NIBAN1: variants seen among roughly 807,000 people sequenced by gnomAD.
The protein encoded by NIBAN1 is niban apoptosis regulator 1.
A neutral mutation model predicts 75.1 loss-of-function variants in NIBAN1; 81 were observed. That is an observed-to-expected ratio of 1.08 (90% CI 0.90 to 1.30). The LOEUF (loss-of-function observed/expected upper bound fraction) is 1.30, where lower values mean the gene tolerates loss of function less well. Ranked by LOEUF, NIBAN1 falls within the 50% of genes most tolerant of loss-of-function variation. The pLI, the probability that NIBAN1 is intolerant of heterozygous loss-of-function variation, is 0.00. For missense variants in NIBAN1, 1,133 were observed against 1,128.1 expected (o/e 1.00, Z -0.06); for synonymous variants, 436 against 424.8 (o/e 1.03, Z -0.32).
chr1:184,895,805 A>C (rs968082040), intron 2 of NIBAN1, among the ~76,000 whole-genome samples: 2 of 152,154 alleles, frequency 1.3e-5, no homozygotes, highest in African/African-American at 4.8e-5. Flanking sequence ...AACTGAAAAC[A>C]TGTGGTATTT....
intron 1 of NIBAN1, among the ~76,000 whole-genome samples, chr1:184,912,328 G>A (rs1235392435): frequency 2.6e-5 from 4 of 151,990 alleles, no homozygotes; most frequent in Admixed American, 6.6e-5. Context: ...ATTGGTGCAC[G>A]AATCTCCTGG....
intron 1 of NIBAN1, among the ~76,000 whole-genome samples, chr1:184,943,568 A>T (rs1658149230): frequency 6.7e-6 from 1 of 148,290 alleles, no homozygotes; most frequent in South Asian, 2.2e-4. Flanking sequence ...GAAGTTGACC[A>T]CATATCTTGC....
rs74734254 is a variant in NIBAN1 at position 184,840,979 on chromosome 1, A to G, written c.602-9017T>C. Among the ~76,000 whole-genome samples the G allele has an allele frequency of 5.4e-3, 713 of 131,078 alleles. 9 individuals are homozygous for G. Among genetic ancestry groups the G allele is most frequent in the African/African-American group, 0.019 (668 of 34,656 alleles). 86.0% of individuals were successfully genotyped at this position (131,078 alleles called of 152,430 possible). ...TGAGTGTGTGTGTGTGTGTGTGTGTATGTGTATTATAGTTATTAAATTTTC... is the reference window on the plus strand; with the variant it reads ...TGAGTGTGTGTGTGTGTGTGTGTGTGTGTGTATTATAGTTATTAAATTTTC... On this transcript the variant is annotated intron_variant, in intron 5 of 13. Coordinates refer to ENST00000367511, the MANE Select transcript of NIBAN1 (RefSeq NM_052966.4).
chr1:184,814,060 A>G (rs1453080037), intron 9 of NIBAN1, among the ~76,000 whole-genome samples: 1 of 152,260 alleles, frequency 6.6e-6, no homozygotes, highest in Non-Finnish European at 1.5e-5. Context: ...ATGGAAATGT[A>G]AATTTTTGCC....
chr1:184,835,628 G>T (rs965318172), intron 5 of NIBAN1, among the ~76,000 whole-genome samples: 1 of 152,122 alleles, frequency 6.6e-6, no homozygotes, highest in African/African-American at 2.4e-5. Flanking sequence ...GTTCACTCAC[G>T]ATTTGGCTCT....
chr1:184,812,472 A>G (rs2102204644), intron 9 of NIBAN1, among the ~76,000 whole-genome samples: 1 of 152,324 alleles, frequency 6.6e-6, no homozygotes, highest in South Asian at 2.1e-4. Flanking sequence ...TGCCGGCCAA[A>G]AGGTAAGAAT....
At chr1:184,946,491 A>G (rs913558363) in intron 1 of NIBAN1, among the ~76,000 whole-genome samples, 2 of 152,208 alleles carry the variant, frequency 1.3e-5, no homozygotes, top group Non-Finnish European at 2.9e-5. Context: ...AGGAAGGATG[A>G]ATGGAAATGT....
chr1:184,830,956 C>A (rs895368497), intron 6 of NIBAN1, among the ~76,000 whole-genome samples: 14 of 151,130 alleles, frequency 9.3e-5, no homozygotes, highest in Admixed American at 5.3e-4. Context: ...GCTGAGATTG[C>A]GCCACTGTAC....
At chr1:184,910,473 A>T (rs1657212284) in intron 1 of NIBAN1, among the ~76,000 whole-genome samples, 1 of 152,204 alleles carries the variant, frequency 6.6e-6, no homozygotes, top group Non-Finnish European at 1.5e-5. Flanking sequence ...ATTTACAAAA[A>T]AAACTTTTTT....
At chr1:184,872,001 T>C (rs1656120665) in intron 5 of NIBAN1, among the ~76,000 whole-genome samples, 1 of 152,026 alleles carries the variant, frequency 6.6e-6, no homozygotes, top group Admixed American at 6.6e-5. Context: ...CACCTTCAAC[T>C]GGCTTCAGTG....
chr1:184,956,033 G>GT (rs1553231287), intron 1 of NIBAN1, among the ~76,000 whole-genome samples: 30 of 148,078 alleles, frequency 2.0e-4, no homozygotes, highest in South Asian at 4.3e-4. Flanking sequence ...CTTTTTGTTT[G>GT]TTTTTTTTTT....
At chr1:184,798,857 T>A (rs1653950945) in intron 12 of NIBAN1, among the ~76,000 whole-genome samples, 1 of 152,026 alleles carries the variant, frequency 6.6e-6, no homozygotes, top group African/African-American at 2.4e-5. Context: ...AATGAAATCA[T>A]AATTATTTTG....
chr1:184,910,425 A>G (rs904154661), intron 1 of NIBAN1, among the ~76,000 whole-genome samples: 2 of 152,188 alleles, frequency 1.3e-5, no homozygotes, highest in African/African-American at 4.8e-5. Context: ...TCAAGAAATT[A>G]ATTGATCCAA....
intron 5 of NIBAN1, among the ~76,000 whole-genome samples, chr1:184,865,238 G>C (rs1022446417): frequency 6.6e-6 from 1 of 152,074 alleles, no homozygotes; most frequent in East Asian, 1.9e-4. Context: ...GCTGGGCAAA[G>C]AAAATGTGGT....
At chr1:184,796,784 A>G (rs1008979067) in intron 13 of NIBAN1, among the ~76,000 whole-genome samples, 35 of 152,252 alleles carry the variant, frequency 2.3e-4, no homozygotes, top group African/African-American at 8.2e-4. Context: ...TGTATTCGGC[A>G]TAACTTTTCA....
chr1:184,880,740 C>A (rs1656356343), intron 5 of NIBAN1, among the ~76,000 whole-genome samples: 1 of 152,152 alleles, frequency 6.6e-6, no homozygotes, highest in Non-Finnish European at 1.5e-5. Flanking sequence ...TAACTATAAC[C>A]CATAACTACA....
At chr1:184,828,799 A>T (rs1654915431) in intron 6 of NIBAN1, among the ~76,000 whole-genome samples, 1 of 124,294 alleles carries the variant, frequency 8.0e-6, no homozygotes, top group Admixed American at 9.4e-5. Flanking sequence ...ATTCTGAGAG[A>T]AGCAAAACCA....
intron 1 of NIBAN1, among the ~76,000 whole-genome samples, chr1:184,931,324 G>A (rs1657817489): frequency 6.6e-6 from 1 of 152,096 alleles, no homozygotes. Flanking sequence ...TCTATATTGT[G>A]AGTATGTCTT....
intron 1 of NIBAN1, among the ~76,000 whole-genome samples, chr1:184,914,497 A>G (rs979086251): frequency 6.6e-6 from 1 of 152,224 alleles, no homozygotes; most frequent in African/African-American, 2.4e-5. Context: ...CACTGGTAAC[A>G]TGGGGCTACT....
Sources: gnomAD v4.1 joint callset for allele counts (sites outside exome capture counted in the v4.1 genomes callset) on GRCh38, gnomAD v4.1.1 for gene constraint, MANE v1.5 for transcripts, NCBI Gene and HGNC (gene_info 2026-07-23, HGNC 2026-07-21) for gene names.